Variants in AFG1L observed in about 807,000 individuals in gnomAD.
AFG1L encodes AFG1 like ATPase, also known as AFG1-like ATPase.
Under a neutral mutation model 62.2 loss-of-function variants are expected in AFG1L, and 53 were observed. The ratio of observed to expected loss-of-function variants is 0.85; its 90% CI spans 0.68 to 1.07. AFG1L has a LOEUF of 1.07. Among genes scored for constraint, AFG1L ranks in the 50% least tolerant of loss-of-function variants. The probability of loss-of-function intolerance (pLI) is 0.00; values close to 1 mark genes in which losing one functional copy is unlikely to be tolerated. For synonymous variants in AFG1L, 228 were observed against 210.3 expected, an observed-to-expected ratio of 1.08 and a Z score of -0.73; for missense variants, 555 against 590.5, an observed-to-expected ratio of 0.94 and a Z score of 0.62.
intron 8 of AFG1L, among the ~76,000 whole-genome samples, chr6:108,463,705 G>A (rs1308144952): frequency 3.9e-5 from 6 of 152,080 alleles, no homozygotes; most frequent in Non-Finnish European, 8.8e-5. Context: ...GAGAAGGGTG[G>A]GAAATTTAGA....
At chr6:108,301,248 A>G (rs1444161755) in intron 1 of AFG1L, among the ~76,000 whole-genome samples, 6 of 151,866 alleles carry the variant, frequency 4.0e-5, no homozygotes, top group African/African-American at 1.5e-4. Flanking sequence ...TCTTGTGCCA[A>G]CCTCCTATCT....
chr6:108,300,245 T>C (rs1394549400), intron 1 of AFG1L, among the ~76,000 whole-genome samples: 1 of 151,730 alleles, frequency 6.6e-6, no homozygotes, highest in Non-Finnish European at 1.5e-5. Flanking sequence ...GCCTCCTGGG[T>C]TCAAGCGATT....
chr6:108,498,832 A>G (rs944279988), intron 10 of AFG1L, among the ~76,000 whole-genome samples: 12 of 151,928 alleles, frequency 7.9e-5, no homozygotes, highest in African/African-American at 2.9e-4. Context: ...AAAATTAGAC[A>G]GGCGTGTGGC....
intron 11 of AFG1L, among the ~76,000 whole-genome samples, chr6:108,516,970 G>C: frequency 6.6e-6 from 1 of 152,144 alleles, no homozygotes; most frequent in Non-Finnish European, 1.5e-5. Context: ...TCTTCAAGGA[G>C]AGCTACAAAC....
At chr6:108,369,545 G>A (rs1212702464) in intron 6 of AFG1L, among the ~76,000 whole-genome samples, 1 of 152,050 alleles carries the variant, frequency 6.6e-6, no homozygotes, top group African/African-American at 2.4e-5. Context: ...GTGGGAGGGG[G>A]AGAAGAAAAT....
At chr6:108,440,784 G>T (rs1203556326) in intron 7 of AFG1L, among the ~76,000 whole-genome samples, 1 of 150,190 alleles carries the variant, frequency 6.7e-6, no homozygotes. Flanking sequence ...TCATGCCACT[G>T]CACTCCAGCC....
At chr6:108,499,150 C>A (rs1206926328) in intron 10 of AFG1L, among the ~76,000 whole-genome samples, 1 of 151,032 alleles carries the variant, frequency 6.6e-6, no homozygotes, top group South Asian at 2.1e-4. Flanking sequence ...TTCACTGCAA[C>A]CTCTGCCTCC....
chr6:108,403,696 C>T (rs2114637339), intron 7 of AFG1L, among the ~76,000 whole-genome samples: 1 of 150,978 alleles, frequency 6.6e-6, no homozygotes, highest in East Asian at 1.9e-4. Context: ...AAAATAGTGT[C>T]TTCATATAGC....
At chr6:108,424,611 A>G (rs977167920) in intron 7 of AFG1L, among the ~76,000 whole-genome samples, 1 of 152,042 alleles carries the variant, frequency 6.6e-6, no homozygotes, top group Non-Finnish European at 1.5e-5. Flanking sequence ...ATATAAAAAT[A>G]TTATAATGTT....
intron 11 of AFG1L, among the ~76,000 whole-genome samples, chr6:108,514,825 A>C (rs1774812194): frequency 6.6e-6 from 1 of 152,140 alleles, no homozygotes; most frequent in Non-Finnish European, 1.5e-5. Flanking sequence ...AATGGAAAAC[A>C]AAAAAAGGCA....
intron 7 of AFG1L, among the ~76,000 whole-genome samples, chr6:108,446,083 CA>C (rs1582599606): frequency 5.3e-5 from 8 of 151,478 alleles, no homozygotes; most frequent in South Asian, 2.1e-4. Flanking sequence ...CACACACACA[CA>C]CACACACACA....
At position 108,452,001 on chromosome 6, in the gene AFG1L, C is replaced by T. The variant is rs7756230; in HGVS notation, c.890+4705C>T. ...AAGTGCTGGAATTACAGGCGTTGAG[C>T]CACCACGCCCGGCCAGTTTGTTTCT... On this transcript the variant is annotated intron_variant, in intron 8 of 12. Transcript: ENST00000368977. 2.4e-3 allele frequency among the ~76,000 whole-genome samples: 372 copies of T among 152,292 alleles called. 3 individuals are homozygous for T. The highest frequency in any genetic ancestry group is 8.6e-3 in the African/African-American group (359 of 41,558).
chr6:108,335,752 T>C (rs1319142330), intron 2 of AFG1L, among the ~76,000 whole-genome samples: 1 of 152,174 alleles, frequency 6.6e-6, no homozygotes, highest in African/African-American at 2.4e-5. Context: ...AGGAGCAAAG[T>C]GAACATGGAA....
chr6:108,329,480 G>A (rs1778189157), intron 2 of AFG1L, among the ~76,000 whole-genome samples: 1 of 151,158 alleles, frequency 6.6e-6, no homozygotes. Flanking sequence ...TGCATTTTTA[G>A]TAGAGACGGG....
intron 1 of AFG1L, among the ~76,000 whole-genome samples, chr6:108,308,764 C>T (rs1408904492): frequency 5.3e-5 from 8 of 151,836 alleles, no homozygotes; most frequent in African/African-American, 1.7e-4. Context: ...AGTACAGTGG[C>T]ACAATCTTGG....
chr6:108,310,910 T>G (rs1468383056), intron 1 of AFG1L, among the ~76,000 whole-genome samples: 2 of 152,218 alleles, frequency 1.3e-5, no homozygotes, highest in African/African-American at 4.8e-5. Context: ...GAATTCTTAT[T>G]GTAACGGTGA....
At position 108,513,284 on chromosome 6, in the gene AFG1L, C is replaced by T. The variant is rs575807440; in HGVS notation, c.1203+2932C>T. Reference sequence around the variant, plus strand: ...AGTGGGTGCAGGACAGTGGGTGCAGCGCACCGAGCATGAGCTGAAGCAGGG... The same window carrying T: ...AGTGGGTGCAGGACAGTGGGTGCAGTGCACCGAGCATGAGCTGAAGCAGGG... On this transcript the variant is annotated intron_variant, in intron 11 of 12. Transcript: ENST00000368977. Among the ~76,000 whole-genome samples, 187 of 152,312 alleles carry T rather than the reference C, an allele frequency of 1.2e-3. 1 individual carries two copies. The South Asian group carries it at 0.021, about 17-fold the overall frequency.
At chr6:108,375,410 A>C (rs893993485) in intron 6 of AFG1L, among the ~76,000 whole-genome samples, 2 of 152,180 alleles carry the variant, frequency 1.3e-5, no homozygotes, top group Non-Finnish European at 2.9e-5. Context: ...CCAGTTCTCA[A>C]AGGGAATGCT....
intron 7 of AFG1L, among the ~76,000 whole-genome samples, chr6:108,446,511 T>TTGTG (rs556248422): frequency 2.0e-5 from 2 of 97,836 alleles, no homozygotes; most frequent in Admixed American, 1.1e-4. Context: ...TTTTTTTTTT[T>TTGTG]TGTGTGTGTG....
Sources: gnomAD v4.1 joint callset for allele counts (sites outside exome capture counted in the v4.1 genomes callset) on GRCh38, gnomAD v4.1.1 for gene constraint, MANE v1.5 for transcripts, NCBI Gene and HGNC (gene_info 2026-07-23, HGNC 2026-07-21) for gene names.